TPX2: variants seen among roughly 807,000 people sequenced by gnomAD.
The protein encoded by TPX2 is targeting protein for Xklp2.
A neutral mutation model predicts 93.6 loss-of-function variants in TPX2; 21 were observed. The ratio of observed to expected loss-of-function variants is 0.22; its 90% CI spans 0.16 to 0.32. TPX2 has a LOEUF of 0.32. Among genes scored for constraint, TPX2 ranks in the 10% least tolerant of loss-of-function variants. The probability of loss-of-function intolerance (pLI) is 1.00; values close to 1 mark genes in which losing one functional copy is unlikely to be tolerated. For missense variants in TPX2, 776 were observed against 871.1 expected, an observed-to-expected ratio of 0.89 and a Z score of 1.37; for synonymous variants, 281 against 298.3, an observed-to-expected ratio of 0.94 and a Z score of 0.60.
intron 12 of TPX2, among the ~76,000 whole-genome samples, chr20:31,785,540 C>T (rs2062060419): frequency 6.6e-6 from 1 of 151,336 alleles, no homozygotes; most frequent in South Asian, 2.1e-4. Flanking sequence ...TCTTGTTGCC[C>T]AGGCTGGAGT....
Position 31,800,976 on chromosome 20 carries a change from A to G in TPX2, c.2140A>G (p.Lys714Glu). ...ACTTTTCCTTACTTTGCAGGTGCAT[A>G]AGGCAAATCCAATACGCAAGTACCA... is the stretch of plus-strand genomic sequence containing the variant. ...LARLRRELVHKANPIRKYQGL... is the reference protein window; with the variant it reads ...LARLRRELVHEANPIRKYQGL... Residue 714 changes from lysine (K) to glutamate (E), a missense_variant, in exon 18 of 18, where the codon AAG becomes GAG. Transcript: ENST00000300403. 1.2e-6 allele frequency: 2 copies of G among 1,614,060 alleles called. No individual in the cohort carries two copies. Among genetic ancestry groups the G allele is most frequent in the African/African-American group, 1.3e-5 (1 of 75,056 alleles).
At chr20:31,790,707 T>C (rs2062094937) in intron 12 of TPX2, among the ~76,000 whole-genome samples, 1 of 152,202 alleles carries the variant, frequency 6.6e-6, no homozygotes, top group Non-Finnish European at 1.5e-5. Flanking sequence ...TCATTCATTC[T>C]TACTGCATTC....
intron 2 of TPX2, among the ~76,000 whole-genome samples, chr20:31,755,228 G>A (rs2061844377): frequency 1.3e-5 from 2 of 151,636 alleles, no homozygotes; most frequent in Non-Finnish European, 2.9e-5. Flanking sequence ...GATTACAGGC[G>A]TGAGCCACCG....
rs531588042 is a variant in TPX2 at position 31,801,663 on chromosome 20, A to G, written c.*583A>G. The G allele has an allele frequency of 2.8e-4, 43 of 152,362 alleles. No homozygotes were observed. The highest frequency in any genetic ancestry group is 1.0e-3 in the African/African-American group (43 of 41,550). The allele number at this position is 152,362 out of a possible 1,614,324, so 9.4% of individuals were successfully genotyped here. On this transcript the variant is annotated 3_prime_UTR_variant, in exon 18 of 18. Coordinates refer to ENST00000300403, the MANE Select transcript of TPX2 (RefSeq NM_012112.5). ...ACTGCGTGGATTCATGGGGAGCCTCACAGCAGCCACGCAGCAGGCTCTGGG... is the reference window on the plus strand; with the variant it reads ...ACTGCGTGGATTCATGGGGAGCCTCGCAGCAGCCACGCAGCAGGCTCTGGG...
intron 9 of TPX2, among the ~76,000 whole-genome samples, chr20:31,777,864 C>T (rs1237876993): frequency 6.6e-6 from 1 of 151,774 alleles, no homozygotes; most frequent in Non-Finnish European, 1.5e-5. Context: ...GTAACCTCCG[C>T]CTCCCGGGTT....
At chr20:31,770,230 G>A in intron 5 of TPX2, 113 bp from the exon 6 acceptor site, 1 of 635,124 alleles carries the variant, frequency 1.6e-6, no homozygotes. Flanking sequence ...AGAGATAATA[G>A]CACTCCATTT....
At chr20:31,794,336 A>G (rs1392763069) in intron 14 of TPX2, 66 bp from the exon 15 acceptor site, 1 of 1,553,134 alleles carries the variant, frequency 6.4e-7, no homozygotes, top group Non-Finnish European at 8.7e-7. Flanking sequence ...TCTTCCAGAT[A>G]TTCTGGAGCA....
chr20:31,745,920 A>G (rs2061781398), intron 2 of TPX2, among the ~76,000 whole-genome samples: 1 of 152,174 alleles, frequency 6.6e-6, no homozygotes, highest in South Asian at 2.1e-4. Flanking sequence ...TCATAGGTGG[A>G]TTATGGTTTG....
intron 10 of TPX2, among the ~76,000 whole-genome samples, chr20:31,781,453 G>C (rs1431931809): frequency 6.6e-6 from 1 of 151,406 alleles, no homozygotes; most frequent in Non-Finnish European, 1.5e-5. Context: ...TTTTAATAGA[G>C]ACGGGATTTC....
At chr20:31,775,171 T>G (rs1442318690) in intron 7 of TPX2, among the ~76,000 whole-genome samples, 1 of 151,858 alleles carries the variant, frequency 6.6e-6, no homozygotes, top group Non-Finnish European at 1.5e-5. Flanking sequence ...GTTGGCCAGG[T>G]TGGTCTCGAA....
chr20:31,762,674 T>A (rs1472481056), intron 4 of TPX2, among the ~76,000 whole-genome samples: 3 of 152,162 alleles, frequency 2.0e-5, no homozygotes, highest in African/African-American at 7.2e-5. Context: ...AGTTGTTTCA[T>A]AGTTTAAGGT....
Position 31,775,858 on chromosome 20 carries a change from T to C in TPX2, c.609-9T>C. ...CTCCTCTCTTCTCATTTACTGATTT[T>C]CTCTTTAGGCAGAAGTTTCTAAAAA... On this transcript the variant is annotated splice_polypyrimidine_tract_variant and intron_variant, in intron 7 of 17. Coordinates refer to ENST00000300403, the MANE Select transcript of TPX2 (RefSeq NM_012112.5). The C allele has an allele frequency of 9.0e-6, 14 of 1,548,112 alleles. No individual in the cohort carries two copies. Among genetic ancestry groups the C allele is most frequent in the Non-Finnish European group, 1.2e-5 (14 of 1,148,118 alleles).
intron 17 of TPX2, 101 bp downstream of exon 17, chr20:31,798,653 C>G (rs2062152571): frequency 1.5e-6 from 2 of 1,379,046 alleles, no homozygotes; most frequent in African/African-American, 1.5e-5. Context: ...GCCCGCAAGG[C>G]TGTACCAAAG....
At chr20:31,770,914 T>C (rs1049215412) in intron 6 of TPX2, among the ~76,000 whole-genome samples, 2 of 151,760 alleles carry the variant, frequency 1.3e-5, no homozygotes, top group African/African-American at 4.8e-5. Flanking sequence ...TTTTTTTTTT[T>C]TCGTACTTGT....
At chr20:31,789,795 A>G (rs1305253245) in intron 12 of TPX2, among the ~76,000 whole-genome samples, 2 of 152,082 alleles carry the variant, frequency 1.3e-5, no homozygotes, top group Non-Finnish European at 2.9e-5. Context: ...GATTGAGCTC[A>G]CTCATACATA....
intron 2 of TPX2, among the ~76,000 whole-genome samples, chr20:31,753,806 A>G (rs1385397108): frequency 6.6e-6 from 1 of 152,148 alleles, no homozygotes. Context: ...CAGGCAGATC[A>G]CCTGAGGTCA....
intron 1 of TPX2, among the ~76,000 whole-genome samples, chr20:31,740,650 G>T (rs995991766): frequency 3.3e-5 from 5 of 152,164 alleles, no homozygotes. Flanking sequence ...ACAAAAACAT[G>T]GTTTGAAATT....
Position 31,801,125 on chromosome 20 carries a change from C to CT in TPX2, c.*47dup. On this transcript the variant is annotated 3_prime_UTR_variant, in exon 18 of 18. Coordinates refer to ENST00000300403, the MANE Select transcript of TPX2 (RefSeq NM_012112.5). The stretch of plus-strand genomic sequence containing the variant: ...ATACCGCCCGGCAATGGGACCTGCT[C>CT]TTAACCTCAAACCTAGGACCGTCTT... 6.5e-7 allele frequency: 1 copy of CT among 1,548,016 alleles called. No individual in the cohort carries two copies. The highest frequency in any genetic ancestry group is 1.7e-4 in the Middle Eastern group (1 of 5,932).
chr20:31,772,116 G>A (rs1025851892), intron 7 of TPX2, among the ~76,000 whole-genome samples: 11 of 150,794 alleles, frequency 7.3e-5, no homozygotes, highest in Admixed American at 6.6e-4. Flanking sequence ...TGCCTCCCGA[G>A]TTCAAACAAT....
Sources: gnomAD v4.1 joint callset for allele counts (sites outside exome capture counted in the v4.1 genomes callset) on GRCh38, gnomAD v4.1.1 for gene constraint, MANE v1.5 for transcripts, NCBI Gene and HGNC (gene_info 2026-07-23, HGNC 2026-07-21) for gene names.